Variants in NCKAP5 observed in about 807,000 individuals in gnomAD.
NCKAP5 encodes the protein NCK associated protein 5.
In NCKAP5, 92 loss-of-function variants were observed where a neutral mutation model predicts 167.0. The observed-to-expected ratio is 0.55, with a 90% CI of 0.47 to 0.66. NCKAP5 has a LOEUF of 0.66. Among genes scored for constraint, NCKAP5 ranks in the 30% least tolerant of loss-of-function variants. NCKAP5 has a pLI of 0.00. For synonymous variants in NCKAP5, 891 were observed against 877.4 expected, an observed-to-expected ratio of 1.02 and a Z score of -0.27; for missense variants, 2,378 against 2,315.0, an observed-to-expected ratio of 1.03 and a Z score of -0.56.
intron 9 of NCKAP5, among the ~76,000 whole-genome samples, chr2:132,874,343 T>C (rs752009930): frequency 3.9e-5 from 6 of 152,114 alleles, no homozygotes; most frequent in Non-Finnish European, 8.8e-5. Flanking sequence ...CTCCTGACCT[T>C]GTGATCCACC....
intron 19 of NCKAP5, among the ~76,000 whole-genome samples, chr2:132,682,091 T>C (rs1685306546): frequency 6.6e-6 from 1 of 152,240 alleles, no homozygotes; most frequent in Non-Finnish European, 1.5e-5. Flanking sequence ...TTGGAACAAA[T>C]TTATTGATCC....
chr2:133,505,059 C>T (rs572213795), intron 3 of NCKAP5, among the ~76,000 whole-genome samples: 1 of 152,258 alleles, frequency 6.6e-6, no homozygotes, highest in Non-Finnish European at 1.5e-5. Flanking sequence ...ACCAGCGGGA[C>T]CTTGTGCACA....
chr2:132,766,203 C>T (rs1681466756), intron 16 of NCKAP5, among the ~76,000 whole-genome samples: 1 of 140,540 alleles, frequency 7.1e-6, no homozygotes, highest in African/African-American at 2.7e-5. Context: ...TTGCTTGAAC[C>T]AGGGTGTTGG....
At chr2:133,347,275 C>T (rs1019364166) in intron 3 of NCKAP5, among the ~76,000 whole-genome samples, 4 of 151,982 alleles carry the variant, frequency 2.6e-5, no homozygotes, top group East Asian at 1.9e-4. Flanking sequence ...AATATTCAGC[C>T]GGGCACGGTG....
chr2:133,667,626 T>C, the NCKAP5 span, among the ~76,000 whole-genome samples: 8 of 152,184 alleles, frequency 5.3e-5, no homozygotes, highest in Middle Eastern at 3.4e-3. Context: ...ACTTAAAATT[T>C]CATTTTCTTG....
intron 3 of NCKAP5, among the ~76,000 whole-genome samples, chr2:133,476,854 A>G (rs1332344863): frequency 6.6e-6 from 1 of 152,220 alleles, no homozygotes; most frequent in African/African-American, 2.4e-5. Flanking sequence ...CTAAATCAAT[A>G]AGGTAGTTAC....
At position 133,373,826 on chromosome 2, in the gene NCKAP5, A is replaced by G. The variant is rs989381467; in HGVS notation, c.70-70716T>C. On this transcript the variant is annotated intron_variant, in intron 3 of 19. Transcript: ENST00000409261. ...AAGCAAAGGAAATACAACGGAGAAA[A>G]GATAGTCTTTCCAGTAAATGGTGCT... Among the ~76,000 whole-genome samples, 7 of 152,236 alleles carry G rather than the reference A, an allele frequency of 4.6e-5. 1 individual carries two copies. In the East Asian group the frequency reaches 9.6e-4, roughly 21 times the overall value.
chr2:132,823,278 A>C (rs2105330149), intron 11 of NCKAP5, among the ~76,000 whole-genome samples: 1 of 152,358 alleles, frequency 6.6e-6, no homozygotes, highest in Admixed American at 6.5e-5. Context: ...AACAAGGGAA[A>C]GTATCTTAAG....
At chr2:133,142,644 C>T (rs1334107041) in intron 5 of NCKAP5, among the ~76,000 whole-genome samples, 1 of 152,122 alleles carries the variant, frequency 6.6e-6, no homozygotes, top group Non-Finnish European at 1.5e-5. Context: ...TTAATATCTG[C>T]CCCTTTCTAG....
chr2:132,880,928 T>C (rs1691697503), intron 8 of NCKAP5, among the ~76,000 whole-genome samples: 3 of 152,214 alleles, frequency 2.0e-5, no homozygotes, highest in Admixed American at 2.0e-4. Flanking sequence ...TACTTCCACA[T>C]GTGTTTCCTC....
At chr2:133,335,272 A>T (rs2150742076) in intron 3 of NCKAP5, among the ~76,000 whole-genome samples, 1 of 152,316 alleles carries the variant, frequency 6.6e-6, no homozygotes, top group South Asian at 2.1e-4. Flanking sequence ...CTCTTAATCA[A>T]AGCAAAAAAA....
At chr2:132,765,827 C>T (rs1364725419) in intron 16 of NCKAP5, among the ~76,000 whole-genome samples, 1 of 152,090 alleles carries the variant, frequency 6.6e-6, no homozygotes, top group Non-Finnish European at 1.5e-5. Flanking sequence ...CAAGCACTGG[C>T]CAATGGGATG....
intron 3 of NCKAP5, among the ~76,000 whole-genome samples, chr2:133,334,997 T>C (rs74856310): frequency 0.031 from 4,705 of 152,298 alleles, 241 homozygotes; most frequent in African/African-American, 0.11. Flanking sequence ...CCTATAATAA[T>C]GACACACATT....
intron 4 of NCKAP5, among the ~76,000 whole-genome samples, chr2:133,239,740 CTGCTT>C (rs1196312866): frequency 2.0e-5 from 3 of 152,172 alleles, no homozygotes; most frequent in Non-Finnish European, 2.9e-5. Flanking sequence ...AACTGAAACA[CTGCTT>C]TGCCAACATT....
intron 19 of NCKAP5, among the ~76,000 whole-genome samples, chr2:132,692,963 T>C (rs1686917222): frequency 6.6e-6 from 1 of 152,248 alleles, no homozygotes; most frequent in African/African-American, 2.4e-5. Context: ...AGTTTGTTCA[T>C]TTTAATCATA....
intron 2 of NCKAP5, among the ~76,000 whole-genome samples, chr2:133,529,369 G>A (rs13383603): frequency 0.019 from 2,929 of 151,918 alleles, 98 homozygotes; most frequent in African/African-American, 0.066. Flanking sequence ...CTATTGTTCC[G>A]TGACTGCATT....
chr2:133,599,384 C>T, the NCKAP5 span, among the ~76,000 whole-genome samples: 1 of 152,156 alleles, frequency 6.6e-6, no homozygotes, highest in African/African-American at 2.4e-5. Context: ...AGAGGCTCTC[C>T]TGCCAGGTGT....
intron 6 of NCKAP5, among the ~76,000 whole-genome samples, chr2:132,998,259 G>A (rs1338242137): frequency 6.6e-6 from 1 of 152,164 alleles, no homozygotes; most frequent in African/African-American, 2.4e-5. Context: ...AACACAAGTT[G>A]CTGGATCAAA....
At chr2:133,486,674 C>T (rs1320337755) in intron 3 of NCKAP5, among the ~76,000 whole-genome samples, 1 of 152,206 alleles carries the variant, frequency 6.6e-6, no homozygotes, top group Non-Finnish European at 1.5e-5. Context: ...GACTCTGTGA[C>T]AGCTTGAGTG....
Sources: allele counts gnomAD v4.1 joint callset (sites outside exome capture counted in the v4.1 genomes callset), GRCh38; gene constraint gnomAD v4.1.1; transcripts MANE v1.5; gene names NCBI Gene and HGNC (gene_info 2026-07-23, HGNC 2026-07-21).